TAB2: variants seen among roughly 807,000 people sequenced by gnomAD.
TAB2 encodes TGF-beta activated kinase 1 (MAP3K7) binding protein 2, also known as TGF-beta-activated kinase 1 and MAP3K7-binding protein 2.
In TAB2, 3 loss-of-function variants were observed where a neutral mutation model predicts 65.0. That is an observed-to-expected ratio of 0.05 (90% CI 0.02 to 0.12). TAB2 has a LOEUF of 0.12. Ranked by LOEUF, TAB2 falls within the 10% of genes least tolerant of loss-of-function variation. TAB2 has a pLI of 1.00. For missense variants in TAB2, 623 were observed against 840.3 expected, an observed-to-expected ratio of 0.74 and a Z score of 3.20; for synonymous variants, 298 against 285.1, an observed-to-expected ratio of 1.05 and a Z score of -0.46.
intron 1 of TAB2, among the ~76,000 whole-genome samples, chr6:149,311,525 A>C (rs1250701061): frequency 6.6e-6 from 1 of 152,254 alleles, no homozygotes; most frequent in Non-Finnish European, 1.5e-5. Context: ...GTATGGGGTC[A>C]GAAGATCTAT....
chr6:149,219,871 G>A (rs13437225), intron 1 of TAB2, among the ~76,000 whole-genome samples: 11,373 of 152,086 alleles, frequency 0.075, 782 homozygotes, highest in African/African-American at 0.18. Flanking sequence ...TTCAATGTCA[G>A]GACCTCTTTA....
chr6:149,248,464 G>A (rs1034074569), intron 1 of TAB2, among the ~76,000 whole-genome samples: 5 of 145,942 alleles, frequency 3.4e-5, no homozygotes, highest in African/African-American at 1.3e-4. Context: ...AAGAAGGAAG[G>A]AAGGAAAGAA....
rs9485386 is a variant in TAB2 at position 149,357,181 on chromosome 6, G to T, written c.-89-12728G>T. On this transcript the variant is annotated intron_variant, in intron 1 of 6. Transcript: ENST00000637181. ...TCCTGTAATCCCAGCACTTTGGGAG[G>T]CTGAGGCAGGCAGATCACGAGGTCA... Among the ~76,000 whole-genome samples, 874 of 152,206 alleles carry T rather than the reference G, an allele frequency of 5.7e-3. 6 individuals carry two copies. The highest frequency in any genetic ancestry group is 8.5e-3 in the Non-Finnish European group (580 of 68,016).
chr6:149,343,621 A>G (rs914773437), intron 1 of TAB2, among the ~76,000 whole-genome samples: 13 of 152,144 alleles, frequency 8.5e-5, no homozygotes, highest in Non-Finnish European at 1.3e-4. Context: ...ATTTGCTAAT[A>G]TTTTACTTGA....
intron 1 of TAB2, among the ~76,000 whole-genome samples, chr6:149,368,106 C>A (rs565864237): frequency 6.6e-6 from 1 of 152,212 alleles, no homozygotes; most frequent in African/African-American, 2.4e-5. Flanking sequence ...CTACCAGCCA[C>A]CAACATTCAG....
chr6:149,350,358 G>C (rs746700298), intron 1 of TAB2, among the ~76,000 whole-genome samples: 1 of 152,126 alleles, frequency 6.6e-6, no homozygotes, highest in Non-Finnish European at 1.5e-5. Flanking sequence ...GCATTTTTCA[G>C]ATCTCTTAAA....
rs370658789 is a variant in TAB2, at chr6:149,275,125, G to GTTT, written c.-121+56365_-121+56367dup. ...TCCCTAATTTTTTTTCTCTTCTTCT[G>GTTT]TTTTTTTTTTTTTTTTTTGAGTTGG... is the stretch of plus-strand genomic sequence containing the variant. On this transcript the variant is annotated intron_variant, in intron 1 of 1. Transcript: ENST00000606202. 2.5e-3 allele frequency among the ~76,000 whole-genome samples: 171 copies of GTTT among 67,832 alleles called. 17 individuals carry two copies. The highest frequency in any genetic ancestry group is 9.4e-3 in the African/African-American group (142 of 15,100). The allele number at this position is 67,832 out of a possible 152,430, so 44.5% of individuals were successfully genotyped here.
chr6:149,317,418 GC>G (rs1779284629), upstream of TAB2: 1 of 3,926 alleles, frequency 2.5e-4, no homozygotes, highest in Non-Finnish European at 6.1e-4. The surrounding 1 kb of genome is among the most constrained non-coding windows in gnomAD (Gnocchi z 4.7). Flanking sequence ...CGCAGCCGCA[GC>G]CGCCGCCGCC....
At chr6:149,316,772 C>G (rs545603832), upstream of TAB2, among the ~76,000 whole-genome samples, 1 of 152,222 alleles carries the variant, frequency 6.6e-6, no homozygotes, top group South Asian at 2.1e-4. Flanking sequence ...ATCGAAACAA[C>G]GAAACCCTCG....
chr6:149,233,310 G>C (rs956166609), intron 1 of TAB2, among the ~76,000 whole-genome samples: 19 of 152,066 alleles, frequency 1.2e-4, no homozygotes, highest in African/African-American at 4.6e-4. Flanking sequence ...TGCCTCCTTG[G>C]CTTCTCCACT....
intron 1 of TAB2, among the ~76,000 whole-genome samples, chr6:149,284,693 C>A (rs988311208): frequency 3.6e-5 from 5 of 138,862 alleles, no homozygotes; most frequent in South Asian, 4.6e-4. Flanking sequence ...CACACACACA[C>A]AAGAATATAA....
At chr6:149,222,406 A>G (rs1458304121) in intron 1 of TAB2, among the ~76,000 whole-genome samples, 3 of 152,052 alleles carry the variant, frequency 2.0e-5, no homozygotes, top group Non-Finnish European at 4.4e-5. Flanking sequence ...TTACTTGAGG[A>G]CAGGAGTTGG....
chr6:149,407,813 TGA>T (rs1782718479), intron 6 of TAB2, among the ~76,000 whole-genome samples: 1 of 151,594 alleles, frequency 6.6e-6, no homozygotes, highest in African/African-American at 2.4e-5. Flanking sequence ...GTTTACCAAG[TGA>T]GATTATAAGA....
chr6:149,393,122 C>G (rs1341630700), intron 3 of TAB2, among the ~76,000 whole-genome samples: 1 of 152,076 alleles, frequency 6.6e-6, no homozygotes, highest in East Asian at 1.9e-4. Context: ...GAAAAAATTG[C>G]TAAGAAATAG....
chr6:149,386,030 T>G (rs1314814905), intron 3 of TAB2, among the ~76,000 whole-genome samples: 2 of 152,124 alleles, frequency 1.3e-5, no homozygotes, highest in African/African-American at 4.8e-5. Flanking sequence ...CTTCCCATTA[T>G]ATTCCCCTTC....
chr6:149,304,980 G>C (rs1779036000), intron 1 of TAB2, among the ~76,000 whole-genome samples: 1 of 151,974 alleles, frequency 6.6e-6, no homozygotes, highest in African/African-American at 2.4e-5. Flanking sequence ...TATAATCTAT[G>C]ATTTATGATA....
intron 1 of TAB2, among the ~76,000 whole-genome samples, chr6:149,356,079 G>A (rs947678044): frequency 2.6e-5 from 4 of 152,130 alleles, no homozygotes; most frequent in Non-Finnish European, 5.9e-5. Flanking sequence ...TTGAATTATT[G>A]AATCTGTTCT....
chr6:149,304,920 T>G (rs1484256874), intron 1 of TAB2, among the ~76,000 whole-genome samples: 1 of 151,288 alleles, frequency 6.6e-6, no homozygotes, highest in Non-Finnish European at 1.5e-5. Context: ...ACTTTAATCA[T>G]CTCTAGATTA....
chr6:149,352,287 A>G (rs766691976), intron 1 of TAB2, among the ~76,000 whole-genome samples: 5 of 152,138 alleles, frequency 3.3e-5, no homozygotes, highest in Non-Finnish European at 5.9e-5. Flanking sequence ...TAGCTGACCT[A>G]TGGTGATCCA....
Sources: gnomAD v4.1 joint callset for allele counts (sites outside exome capture counted in the v4.1 genomes callset) on GRCh38, gnomAD v4.1.1 for gene constraint, Gnocchi (gnomAD v3.1) non-coding constraint, MANE v1.5 for transcripts, NCBI Gene and HGNC (gene_info 2026-07-23, HGNC 2026-07-21) for gene names.